ABHD2: variants seen among roughly 807,000 people sequenced by gnomAD.
ABHD2 encodes the protein abhydrolase domain containing 2, acylglycerol lipase.
ABHD2 carries 20 observed loss-of-function variants against 48.1 expected under a neutral mutation model. The observed-to-expected ratio is 0.42, with a 90% CI of 0.29 to 0.60. The LOEUF (loss-of-function observed/expected upper bound fraction) is 0.60. Among genes scored for constraint, ABHD2 ranks in the 20% least tolerant of loss-of-function variants. The pLI, the probability that ABHD2 is intolerant of heterozygous loss-of-function variation, is 0.24. For missense variants in ABHD2, 405 were observed against 550.9 expected (o/e 0.74, Z 2.65); for synonymous variants, 209 against 214.2 (o/e 0.98, Z 0.21).
intron 3 of ABHD2, among the ~76,000 whole-genome samples, chr15:89,136,962 G>C (rs1448688403): frequency 6.6e-6 from 1 of 152,248 alleles, no homozygotes; most frequent in Non-Finnish European, 1.5e-5. Context: ...TCTGTGTTCT[G>C]AGCGTCAGCG....
intron 3 of ABHD2, among the ~76,000 whole-genome samples, chr15:89,124,720 G>A (rs1171268632): frequency 6.6e-6 from 1 of 152,152 alleles, no homozygotes; most frequent in Non-Finnish European, 1.5e-5. Flanking sequence ...TTGGGAGGCT[G>A]AGGTGGGTGG....
At chr15:89,143,099 T>A (rs28667207) in intron 3 of ABHD2, among the ~76,000 whole-genome samples, 1 of 152,202 alleles carries the variant, frequency 6.6e-6, no homozygotes, top group South Asian at 2.1e-4. Flanking sequence ...ATCGTTTTTT[T>A]GTCCGTGTCA....
chr15:89,050,324 C>T, the ABHD2 span, among the ~76,000 whole-genome samples: 4 of 152,112 alleles, frequency 2.6e-5, no homozygotes, highest in African/African-American at 7.2e-5. Context: ...GCAGGGATGG[C>T]GGATGTCTCA....
intron 1 of ABHD2, among the ~76,000 whole-genome samples, chr15:89,109,238 T>A (rs866192486): frequency 3.5e-3 from 528 of 152,336 alleles, no homozygotes; most frequent in Non-Finnish European, 5.1e-3. Flanking sequence ...AAGCTTGTCT[T>A]AGAGACCAGG....
intron 5 of ABHD2, among the ~76,000 whole-genome samples, chr15:89,158,480 A>G (rs2050710000): frequency 6.6e-6 from 1 of 152,148 alleles, no homozygotes; most frequent in South Asian, 2.1e-4. Flanking sequence ...AGAATAGGTT[A>G]AGTGCAGGCC....
In ABHD2 at chr15:89,196,148, C is replaced by T. The variant is rs1394316447; in HGVS notation, c.*725C>T. 2 of 152,386 alleles carry T rather than the reference C, an allele frequency of 1.3e-5. No individual in the cohort carries two copies. Among genetic ancestry groups the T allele is most frequent in the Admixed American group, 1.3e-4 (2 of 15,286 alleles). 9.4% of individuals were successfully genotyped at this position (152,386 alleles called of 1,614,324 possible). A position where few individuals can be genotyped will look rare whatever the true frequency, so the allele number is the denominator to read the frequency against. On this transcript the variant is annotated 3_prime_UTR_variant, in exon 11 of 11. Coordinates refer to ENST00000352732, the MANE Select transcript of ABHD2 (RefSeq NM_152924.5). ...CACAAGTGCCCCAGATGATTCTCAT[C>T]ACCAAGCAAATTTTGGAAATGCTGT...
chr15:89,096,040 C>T (rs2049608185), intron 1 of ABHD2, among the ~76,000 whole-genome samples: 1 of 152,146 alleles, frequency 6.6e-6, no homozygotes, highest in South Asian at 2.1e-4. Flanking sequence ...TCAAATGATA[C>T]CACACAGCAC....
chr15:89,134,654 A>T (rs1371834119), intron 3 of ABHD2, among the ~76,000 whole-genome samples: 1 of 152,168 alleles, frequency 6.6e-6, no homozygotes, highest in Non-Finnish European at 1.5e-5. Context: ...TTAATTCCAC[A>T]TATAAAAATC....
chr15:89,051,502 C>T, the ABHD2 span, among the ~76,000 whole-genome samples: 1 of 152,136 alleles, frequency 6.6e-6, no homozygotes, highest in African/African-American at 2.4e-5. Flanking sequence ...CTGGGTGAAG[C>T]TTCACTTTGA....
Position 89,200,507 on chromosome 15 carries a change from T to A in ABHD2, c.*5084T>A, listed in dbSNP as rs1294416625. 2.6e-5 allele frequency: 4 copies of A among 152,654 alleles called. No homozygotes were observed. In the East Asian group the frequency reaches 7.7e-4, roughly 29 times the overall value. 9.5% of individuals were successfully genotyped at this position (152,654 alleles called of 1,614,324 possible). A position where few individuals can be genotyped will look rare whatever the true frequency, so the allele number is the denominator to read the frequency against. ...AGGTGCTCCTCACTTCCCAGAACAA[T>A]TCTTTATGAATTTGATAAAGGACTG... is the stretch of plus-strand genomic sequence containing the variant. On this transcript the variant is annotated 3_prime_UTR_variant, in exon 11 of 11. Transcript: ENST00000352732.
At chr15:89,045,992 C>T in the ABHD2 span, among the ~76,000 whole-genome samples, 1 of 152,206 alleles carries the variant, frequency 6.6e-6, no homozygotes, top group African/African-American at 2.4e-5. Context: ...AAAGGAAATG[C>T]TTCCAGTTTT....
chr15:89,115,370 ATGTGTGTGTGTGTGTGTGTGTGTGTG>A lies in ABHD2; in HGVS notation c.-6-916_-6-891del, dbSNP rs1164718189. ...TGTTTGGTTTTATATGTTTGGAGGTATGTGTGTGTGTGTGTGTGTGTGTGTGTGTGTGTGTGTGTGTGTGTGTGTGT... is the reference window on the plus strand; with the variant it reads ...TGTTTGGTTTTATATGTTTGGAGGTATGTGTGTGTGTGTGTGTGTGTGTGT... On this transcript the variant is annotated intron_variant, in intron 2 of 10. Transcript: ENST00000352732. 2.4e-3 allele frequency among the ~76,000 whole-genome samples: 239 copies of A among 100,686 alleles called. 2 individuals are homozygous for A. Among genetic ancestry groups the A allele is most frequent in the Non-Finnish European group, 3.5e-3 (165 of 47,168 alleles). The allele number at this position is 100,686 out of a possible 152,430, so 66.1% of individuals were successfully genotyped here.
At position 89,195,482 on chromosome 15, in the gene ABHD2, C is replaced by A; in HGVS notation, c.*59C>A. 1 of 1,551,394 alleles carries A rather than the reference C, an allele frequency of 6.4e-7. No individual in the cohort carries two copies. Among genetic ancestry groups the A allele is most frequent in the South Asian group, 1.2e-5 (1 of 82,986 alleles). ...CCTCTGGAAGCTGCGTCCCCTCACC[C>A]CCTGTTTCAGGTCTCCCATCTCCCT... On this transcript the variant is annotated 3_prime_UTR_variant, in exon 11 of 11. Transcript: ENST00000352732. This position sits in a 1 kb window ranked among gnomAD's most constrained non-coding sequence, Gnocchi z 5.1.
chr15:89,172,079 C>T (rs2050938630), intron 5 of ABHD2, among the ~76,000 whole-genome samples: 1 of 151,840 alleles, frequency 6.6e-6, no homozygotes. Context: ...GGTTGAAGAA[C>T]ACTACTTTAG....
rs2050587075 is a variant in ABHD2 at position 89,151,266 on chromosome 15, G to T, written c.195-411G>T. 1.3e-5 allele frequency among the ~76,000 whole-genome samples: 2 copies of T among 152,238 alleles called. No individual in the cohort carries two copies. Among genetic ancestry groups the T allele is most frequent in the Admixed American group, 1.3e-4 (2 of 15,290 alleles). On this transcript the variant is annotated intron_variant, in intron 3 of 10. Coordinates refer to ENST00000352732, the MANE Select transcript of ABHD2 (RefSeq NM_152924.5). This position sits in a 1 kb window ranked among gnomAD's most constrained non-coding sequence, Gnocchi z 4.7. ...GCCTGTCTCGTTAGGGAAAGAAGAA[G>T]TGAGCTTTTAGTGAGTGTAGGCGCT...
At position 89,155,416 on chromosome 15, in the gene ABHD2, G is replaced by A. The variant is rs1567094699; in HGVS notation, c.420G>A (p.Lys140=). The A allele has an allele frequency of 8.7e-6, 14 of 1,614,078 alleles. No individual in the cohort carries two copies. The East Asian group carries it at 1.8e-4, about 21-fold the overall frequency. Residue 140 remains lysine, a synonymous_variant, in exon 5 of 11, where the codon AAG becomes AAA. Transcript: ENST00000352732. This position sits in a 1 kb window ranked among gnomAD's most constrained non-coding sequence, Gnocchi z 4.9. ...CTGGAATTGCCAATCACAGCGAGAAGCAATACATCCGCACTTTCGTTGACT... is the reference window on the plus strand; with the variant it reads ...CTGGAATTGCCAATCACAGCGAGAAACAATACATCCGCACTTTCGTTGACT... ...ICPGIANHSE[K]QYIRTFVDYA... is the part of the protein sequence containing the mutation.
chr15:89,064,926 C>T, the ABHD2 span, among the ~76,000 whole-genome samples: 21 of 152,232 alleles, frequency 1.4e-4, no homozygotes, highest in African/African-American at 4.8e-4. Flanking sequence ...CCTGCAGGCC[C>T]TGCCCCATCT....
chr15:89,060,752 A>G, the ABHD2 span, among the ~76,000 whole-genome samples: 7 of 152,130 alleles, frequency 4.6e-5, no homozygotes, highest in Non-Finnish European at 8.8e-5. Flanking sequence ...ATAAAGACAA[A>G]GGGGGGAAGT....
chr15:89,136,507 T>A, intron 3 of ABHD2: 1 of 385,786 alleles, frequency 2.6e-6, no homozygotes, highest in Admixed American at 2.8e-5. Context: ...TTTAGTTATT[T>A]TTCCTCAGCA....
Sources: allele counts gnomAD v4.1 joint callset (sites outside exome capture counted in the v4.1 genomes callset), GRCh38; gene constraint gnomAD v4.1.1; non-coding constraint Gnocchi (gnomAD v3.1); transcripts MANE v1.5; gene names NCBI Gene and HGNC (gene_info 2026-07-23, HGNC 2026-07-21).